Variants in SEC24A observed in about 807,000 individuals in gnomAD.
SEC24A encodes the protein protein transport protein Sec24A.
A neutral mutation model predicts 129.4 loss-of-function variants in SEC24A; 93 were observed. The ratio of observed to expected loss-of-function variants is 0.72; its 90% CI spans 0.61 to 0.85. The LOEUF (loss-of-function observed/expected upper bound fraction) is 0.85. Ranked by LOEUF, SEC24A falls within the 40% of genes least tolerant of loss-of-function variation. SEC24A has a pLI of 0.00. For synonymous variants in SEC24A, 460 were observed against 467.3 expected, an observed-to-expected ratio of 0.98 and a Z score of 0.20; for missense variants, 1,264 against 1,307.4, an observed-to-expected ratio of 0.97 and a Z score of 0.51.
Position 134,724,966 on chromosome 5 carries a change from C to A in SEC24A, c.3168-14C>A. On this transcript the variant is annotated splice_polypyrimidine_tract_variant and intron_variant, in intron 22 of 22. Transcript: ENST00000398844. The stretch of plus-strand genomic sequence containing the variant: ...CTACATTTTATCTAAATTTTTTTGC[C>A]TTTTATTCCTAAGGGATGAGAGTCC... The A allele has an allele frequency of 6.8e-7, 1 of 1,478,072 alleles. No individual in the cohort carries two copies. Among genetic ancestry groups the A allele is most frequent in the Non-Finnish European group, 9.4e-7 (1 of 1,062,268 alleles). 91.6% of individuals were successfully genotyped at this position (1,478,072 alleles called of 1,614,324 possible). A position where few individuals can be genotyped will look rare whatever the true frequency, so the allele number is the denominator to read the frequency against.
chr5:134,698,608 A>C (rs246342), intron 15 of SEC24A, among the ~76,000 whole-genome samples: 3,659 of 151,182 alleles, frequency 0.024, 75 homozygotes, highest in Non-Finnish European at 0.037. Context: ...CAAAAAAAAA[A>C]AAAAGAAGAA....
chr5:134,704,085 TG>T (rs1203803064), intron 16 of SEC24A, among the ~76,000 whole-genome samples, 153 bp downstream of exon 16: 1 of 149,690 alleles, frequency 6.7e-6, no homozygotes, highest in African/African-American at 2.5e-5. Flanking sequence ...TATTTATTTA[TG>T]TAGAGACAGA....
intron 13 of SEC24A, among the ~76,000 whole-genome samples, chr5:134,696,733 C>T (rs990920936): frequency 6.6e-5 from 10 of 151,408 alleles, no homozygotes; most frequent in East Asian, 1.9e-4. Context: ...CTCCGGCCCT[C>T]GTGATCCACC....
At chr5:134,684,227 C>T (rs530202274) in intron 9 of SEC24A, among the ~76,000 whole-genome samples, 1 of 149,204 alleles carries the variant, frequency 6.7e-6, no homozygotes, top group African/African-American at 2.5e-5. Flanking sequence ...TGCTTGAAAC[C>T]GAAAGTCAGA....
chr5:134,724,588 C>CAA (rs757083360), intron 22 of SEC24A, among the ~76,000 whole-genome samples: 3 of 91,362 alleles, frequency 3.3e-5, no homozygotes, highest in South Asian at 3.8e-4. Flanking sequence ...AACTCCATCT[C>CAA]AAAAAAAAAA....
intron 1 of SEC24A, among the ~76,000 whole-genome samples, chr5:134,650,068 A>G (rs2150063974): frequency 6.6e-6 from 1 of 152,316 alleles, no homozygotes; most frequent in Admixed American, 6.6e-5. Flanking sequence ...GTTGGAGAAT[A>G]CAGACAGTGA....
rs147033460 is a variant in SEC24A, at chr5:134,665,953, A to C, written c.566-870A>C. Among the ~76,000 whole-genome samples the C allele has an allele frequency of 2.9e-4, 44 of 152,320 alleles. 1 individual carries two copies. In the East Asian group the frequency reaches 8.1e-3, roughly 28 times the overall value. ...GTTAATTTGTACTAGAATATGACAC[A>C]TGGCCTATTGAATCTAATGATCAGT... On this transcript the variant is annotated intron_variant, in intron 2 of 22. Transcript: ENST00000398844.
In SEC24A at chr5:134,676,220, A is replaced by T. The variant is rs1400438095; in HGVS notation, c.1254+95A>T. 9.1e-6 allele frequency: 7 copies of T among 767,290 alleles called. No individual in the cohort carries two copies. The East Asian group carries it at 1.2e-4, about 13-fold the overall frequency. The allele number at this position is 767,290 out of a possible 1,614,324, so 47.5% of individuals were successfully genotyped here. On this transcript the variant is annotated intron_variant, in intron 7 of 22. Coordinates refer to ENST00000398844, the MANE Select transcript of SEC24A (RefSeq NM_021982.3). ...AGTGACGCAGTCTCAGCTTATTGCA[A>T]CCTCTGCCCTCCATGTTCAAGTGAT...
intron 12 of SEC24A, chr5:134,692,868 G>A (rs1344373631): frequency 2.8e-6 from 2 of 714,710 alleles, no homozygotes; most frequent in African/African-American, 3.5e-5. Context: ...TTTGTAGTAG[G>A]GTAGAAAATA....
intron 3 of SEC24A, among the ~76,000 whole-genome samples, chr5:134,668,964 T>C (rs1461963242): frequency 2.7e-5 from 4 of 148,618 alleles, no homozygotes; most frequent in Admixed American, 2.0e-4. Flanking sequence ...CCCAGCTACT[T>C]GGGAGACTGA....
At chr5:134,673,051 A>ATTTTTT (rs375750332) in intron 4 of SEC24A, among the ~76,000 whole-genome samples, 1 of 113,676 alleles carries the variant, frequency 8.8e-6, no homozygotes, top group Non-Finnish European at 1.7e-5. Context: ...CCCATTTAGG[A>ATTTTTT]TTTTTTTTTT....
At chr5:134,695,780 A>AAAC (rs766677897) in intron 13 of SEC24A, among the ~76,000 whole-genome samples, 3 of 151,748 alleles carry the variant, frequency 2.0e-5, no homozygotes, top group Admixed American at 2.0e-4. Context: ...CTCCGTCTCA[A>AAAC]AACAACAACA....
At chr5:134,675,922 T>C in intron 6 of SEC24A, 101 bp from the exon 7 acceptor site, 1 of 733,392 alleles carries the variant, frequency 1.4e-6, no homozygotes, top group East Asian at 2.8e-5. Flanking sequence ...TCATCTGTAA[T>C]CTGATCCAGT....
intron 8 of SEC24A, among the ~76,000 whole-genome samples, chr5:134,680,077 A>G (rs185776480): frequency 6.6e-6 from 1 of 152,314 alleles, no homozygotes; most frequent in East Asian, 1.9e-4. Context: ...GTGAAAGAAA[A>G]TAAGTCCACA....
In SEC24A at chr5:134,666,907, G is replaced by A. The variant is rs900074473; in HGVS notation, c.650G>A (p.Gly217Asp). The change falls in exon 3 of 23, where the codon GGC becomes GAC. Residue 217 changes from glycine (G) to aspartate (D), a missense_variant. Coordinates refer to ENST00000398844, the MANE Select transcript of SEC24A (RefSeq NM_021982.3). ...CCTCATGGGCCCCCTCCAGCTGGAG[G>A]CCCACCCCCAGTGAGGGCCCTCACG... ...GAPHGPPPAG[G>D]PPPVRALTPL... The A allele has an allele frequency of 2.5e-6, 4 of 1,613,586 alleles. No homozygotes were observed. The highest frequency in any genetic ancestry group is 3.4e-6 in the Non-Finnish European group (4 of 1,179,774).
rs765258240 is a variant in SEC24A, at chr5:134,675,203, C to T, written c.1137C>T (p.Leu379=). Residue 379 remains leucine, a synonymous_variant, in exon 6 of 23, where the codon CTC becomes CTT. Transcript: ENST00000398844. ...ATTTGCATGAAGACATCCAGAAACT[C>T]AACTGTAACCCAGAGTAAGGCTTCA... The part of the protein sequence containing the change: ...VPNLHEDIQK[L]NCNPELFRCT... The T allele has an allele frequency of 6.2e-7, 1 of 1,611,272 alleles. No homozygotes were observed. The highest frequency in any genetic ancestry group is 8.5e-7 in the Non-Finnish European group (1 of 1,177,990).
intron 22 of SEC24A, among the ~76,000 whole-genome samples, chr5:134,723,977 A>G (rs989899493): frequency 7.2e-5 from 11 of 152,206 alleles, no homozygotes; most frequent in South Asian, 2.1e-4. Flanking sequence ...TGGTGAGAAC[A>G]TTTAAAATCC....
chr5:134,727,881 A>G lies in SEC24A; in HGVS notation c.*2787A>G, dbSNP rs1580749844. On this transcript the variant is annotated 3_prime_UTR_variant, in exon 23 of 23. Coordinates refer to ENST00000398844, the MANE Select transcript of SEC24A (RefSeq NM_021982.3). ...TCTATGCTAACTTATCAACTTGGCT[A>G]TTCAATAAAGTTAATTGAAAAGAGC... 6.6e-6 allele frequency: 1 copy of G among 152,474 alleles called. No homozygotes were observed. The highest frequency in any genetic ancestry group is 6.5e-5 in the Admixed American group (1 of 15,272). 9.4% of individuals were successfully genotyped at this position (152,474 alleles called of 1,614,324 possible).
chr5:134,705,103 T>TTTTTTTA (rs1554141323), intron 16 of SEC24A, among the ~76,000 whole-genome samples: 7 of 140,432 alleles, frequency 5.0e-5, no homozygotes, highest in African/African-American at 1.8e-4. Context: ...TTTTTTTTTT[T>TTTTTTTA]AATTAATTTA....
Sources: gnomAD v4.1 joint callset for allele counts (sites outside exome capture counted in the v4.1 genomes callset) on GRCh38, gnomAD v4.1.1 for gene constraint, MANE v1.5 for transcripts, NCBI Gene and HGNC (gene_info 2026-07-23, HGNC 2026-07-21) for gene names.